Variants in TSHZ2 observed in about 807,000 individuals in gnomAD.
The protein encoded by TSHZ2 is teashirt zinc finger homeobox 2.
TSHZ2 carries 21 observed loss-of-function variants against 74.4 expected under a neutral mutation model. The observed-to-expected ratio is 0.28, with a 90% confidence interval of 0.20 to 0.41. The LOEUF (loss-of-function observed/expected upper bound fraction) is 0.41. TSHZ2 is among the 10% of genes least tolerant of loss of function. The pLI is 1.00. For missense variants in TSHZ2, 1,244 were observed against 1,293.5 expected, an observed-to-expected ratio of 0.96 and a Z score of 0.59; for synonymous variants, 540 against 515.3, an observed-to-expected ratio of 1.05 and a Z score of -0.65.
chr20:53,160,461 TG>T (rs1987903129), intron 1 of TSHZ2, among the ~76,000 whole-genome samples: 1 of 152,132 alleles, frequency 6.6e-6, no homozygotes. Flanking sequence ...CATGCACAAG[TG>T]CAGTAATAAG....
At chr20:53,442,866 T>C (rs541701496) in intron 2 of TSHZ2, among the ~76,000 whole-genome samples, 1 of 152,340 alleles carries the variant, frequency 6.6e-6, no homozygotes, top group East Asian at 1.9e-4. Flanking sequence ...ATGCATTGTG[T>C]GCACTTGAGC....
intron 1 of TSHZ2, among the ~76,000 whole-genome samples, chr20:53,130,823 C>T (rs546181936): frequency 3.5e-4 from 54 of 152,254 alleles, no homozygotes; most frequent in Middle Eastern, 3.4e-3. Context: ...GCAATTAATA[C>T]GAGCATCAAG....
At chr20:53,340,978 G>T (rs1980175441) in intron 2 of TSHZ2, among the ~76,000 whole-genome samples, 1 of 152,144 alleles carries the variant, frequency 6.6e-6, no homozygotes, top group African/African-American at 2.4e-5. Flanking sequence ...GGCTGTGCTT[G>T]CCATTGTCAT....
intron 1 of TSHZ2, chr20:53,178,388 G>A (rs1314797762): frequency 6.6e-6 from 1 of 152,220 alleles, no homozygotes; most frequent in Non-Finnish European, 1.5e-5. Context: ...GGACCATAGA[G>A]CTAATCACAT....
chr20:53,137,296 C>CTTTT (rs759993398), intron 1 of TSHZ2, among the ~76,000 whole-genome samples: 1 of 135,270 alleles, frequency 7.4e-6, no homozygotes, highest in Non-Finnish European at 1.6e-5. Context: ...ATTCGTGTTT[C>CTTTT]TTTTTTTTTT....
At chr20:53,302,337 T>C (rs1978343918) in intron 2 of TSHZ2, among the ~76,000 whole-genome samples, 1 of 152,204 alleles carries the variant, frequency 6.6e-6, no homozygotes, top group South Asian at 2.1e-4. Context: ...TGAAATTCTC[T>C]ATGATAATCC....
At chr20:53,337,315 G>A (rs1318342951) in intron 2 of TSHZ2, among the ~76,000 whole-genome samples, 1 of 152,186 alleles carries the variant, frequency 6.6e-6, no homozygotes, top group Admixed American at 6.5e-5. Flanking sequence ...ATAATTACTG[G>A]TTGAATACTG....
At chr20:53,232,245 AAAAC>A (rs1989841938) in intron 1 of TSHZ2, among the ~76,000 whole-genome samples, 1 of 152,184 alleles carries the variant, frequency 6.6e-6, no homozygotes, top group African/African-American at 2.4e-5. Context: ...ATCTCTTTAT[AAAAC>A]AAACAGAGCA....
chr20:53,212,927 A>G (rs138847378), intron 1 of TSHZ2, among the ~76,000 whole-genome samples: 3 of 152,260 alleles, frequency 2.0e-5, no homozygotes, highest in African/African-American at 7.2e-5. Flanking sequence ...TGGCATGCTC[A>G]TTAGGTGGTT....
chr20:53,450,000 A>T (rs1393128564), intron 2 of TSHZ2, among the ~76,000 whole-genome samples: 1 of 152,230 alleles, frequency 6.6e-6, no homozygotes, highest in Non-Finnish European at 1.5e-5. Context: ...GGACCCTCTT[A>T]ATGGGCCTAG....
chr20:53,389,749 G>C (rs1016688672), intron 2 of TSHZ2, among the ~76,000 whole-genome samples: 2 of 152,232 alleles, frequency 1.3e-5, no homozygotes, highest in Admixed American at 6.5e-5. Context: ...GCAATGTCTA[G>C]AGACATGTTG....
At chr20:53,375,109 G>T (rs1981614866) in intron 2 of TSHZ2, among the ~76,000 whole-genome samples, 1 of 152,072 alleles carries the variant, frequency 6.6e-6, no homozygotes, top group Admixed American at 6.6e-5. Context: ...TCAAACCCAG[G>T]AGTGCATGGA....
At chr20:53,194,830 C>T (rs1359361188) in intron 1 of TSHZ2, among the ~76,000 whole-genome samples, 1 of 152,204 alleles carries the variant, frequency 6.6e-6, no homozygotes, top group African/African-American at 2.4e-5. Flanking sequence ...TTGAAATGTC[C>T]ATTATGGATG....
chr20:53,494,747 G>T lies in TSHZ2; in HGVS notation c.*7612G>T, dbSNP rs1466079420. 1.3e-5 allele frequency: 2 copies of T among 150,504 alleles called. No homozygotes were observed. Among genetic ancestry groups the T allele is most frequent in the East Asian group, 3.9e-4 (2 of 5,150 alleles). 9.3% of individuals were successfully genotyped at this position (150,504 alleles called of 1,614,324 possible). The stretch of plus-strand genomic sequence containing the variant: ...AAAAAAAAACAACACATTCGCCAAG[G>T]TTATATGGAGCCCCTGATTTCCATC... On this transcript the variant is annotated 3_prime_UTR_variant, in exon 3 of 3. Coordinates refer to ENST00000371497, the MANE Select transcript of TSHZ2 (RefSeq NM_173485.6).
chr20:53,128,188 A>C (rs982368647), intron 1 of TSHZ2, among the ~76,000 whole-genome samples: 1 of 152,184 alleles, frequency 6.6e-6, no homozygotes, highest in Non-Finnish European at 1.5e-5. Flanking sequence ...GGGGAAAGGG[A>C]CAGGGACTTA....
At chr20:53,231,662 C>A (rs1568825382) in intron 1 of TSHZ2, among the ~76,000 whole-genome samples, 1 of 151,178 alleles carries the variant, frequency 6.6e-6, no homozygotes, top group East Asian at 1.9e-4. Context: ...GCCTGGAAGT[C>A]TTTTTTTTTG....
chr20:53,206,737 ACT>A (rs1341564490), intron 1 of TSHZ2: 1 of 151,998 alleles, frequency 6.6e-6, no homozygotes. Context: ...CCAAATTGAT[ACT>A]CTCTAGGAAA....
At chr20:53,479,571 A>G (rs6097441) in intron 2 of TSHZ2, among the ~76,000 whole-genome samples, 30,459 of 152,232 alleles carry the variant, frequency 0.2, 3,222 homozygotes, top group East Asian at 0.3. Context: ...ATAAAGCAAA[A>G]TACAGGTTCT....
intron 2 of TSHZ2, among the ~76,000 whole-genome samples, chr20:53,369,082 C>T (rs1360661173): frequency 6.6e-6 from 1 of 151,668 alleles, no homozygotes; most frequent in Non-Finnish European, 1.5e-5. Context: ...GGCAACATGG[C>T]GAAACCCCGT....
Sources: gnomAD v4.1 joint callset for allele counts (sites outside exome capture counted in the v4.1 genomes callset) on GRCh38, gnomAD v4.1.1 for gene constraint, MANE v1.5 for transcripts, NCBI Gene and HGNC (gene_info 2026-07-23, HGNC 2026-07-21) for gene names.